WWTR1: variants seen among roughly 807,000 people sequenced by gnomAD.
The protein encoded by WWTR1 is WW domain-containing transcription regulator protein 1.
WWTR1 carries 13 observed loss-of-function variants against 40.1 expected under a neutral mutation model. The observed-to-expected ratio is 0.32, with a 90% CI of 0.21 to 0.52. The LOEUF (loss-of-function observed/expected upper bound fraction) is 0.52, where lower values mean the gene tolerates loss of function less well. WWTR1 is among the 20% of genes least tolerant of loss of function. The pLI is 0.97. For missense variants in WWTR1, 436 were observed against 523.1 expected, an observed-to-expected ratio of 0.83 and a Z score of 1.63; for synonymous variants, 230 against 210.1, an observed-to-expected ratio of 1.09 and a Z score of -0.82.
At chr3:149,697,852 T>G (rs1403288056) in intron 1 of WWTR1, among the ~76,000 whole-genome samples, 1 of 152,202 alleles carries the variant, frequency 6.6e-6, no homozygotes, top group Admixed American at 6.5e-5. Flanking sequence ...TGGGTAAACA[T>G]TCCTATTCCA....
chr3:149,707,963 A>AGAGAACC, upstream of WWTR1, among the ~76,000 whole-genome samples: 1 of 147,714 alleles, frequency 6.8e-6, no homozygotes. Flanking sequence ...CCTAAACTAG[A>AGAGAACC]ATTATGGTAA....
chr3:149,646,868 G>A (rs1166225686), intron 2 of WWTR1, among the ~76,000 whole-genome samples: 2 of 152,088 alleles, frequency 1.3e-5, no homozygotes, highest in African/African-American at 4.8e-5. Flanking sequence ...CCCTCCAACA[G>A]TGTTTGAGCA....
chr3:149,551,398 A>G lies in WWTR1; in HGVS notation c.569-8861T>C, dbSNP rs141556880. Among the ~76,000 whole-genome samples, 15 of 145,746 alleles carry G rather than the reference A, an allele frequency of 1.0e-4. 1 individual carries two copies. In the East Asian group the frequency reaches 3.1e-3, roughly 30 times the overall value. On this transcript the variant is annotated intron_variant, in intron 3 of 6. Coordinates refer to ENST00000360632, the MANE Select transcript of WWTR1 (RefSeq NM_015472.6). ...AAATATGCAACATTCAAAGGCATAC[A>G]CTGGGTAATACACTTGATATGGCAT... is the stretch of plus-strand genomic sequence containing the variant.
rs113528923 is a variant in WWTR1 at position 149,551,200 on chromosome 3, G to A, written c.569-8663C>T. On this transcript the variant is annotated intron_variant, in intron 3 of 6. Coordinates refer to ENST00000360632, the MANE Select transcript of WWTR1 (RefSeq NM_015472.6). Reference sequence around the variant, plus strand: ...TAATCCCAGCTACTCGGGAGTCTGCGGCAGGAGAATCGTTTGAACCCAGGA... The same window carrying A: ...TAATCCCAGCTACTCGGGAGTCTGCAGCAGGAGAATCGTTTGAACCCAGGA... 9.7e-5 allele frequency among the ~76,000 whole-genome samples: 14 copies of A among 144,186 alleles called. 2 individuals are homozygous for A. The highest frequency in any genetic ancestry group is 3.4e-4 in the African/African-American group (13 of 37,818). The allele number at this position is 144,186 out of a possible 152,430, so 94.6% of individuals were successfully genotyped here. A position where few individuals can be genotyped will look rare whatever the true frequency, so the allele number is the denominator to read the frequency against.
chr3:149,661,629 GGC>G (rs1713579638), upstream of WWTR1, among the ~76,000 whole-genome samples: 1 of 151,648 alleles, frequency 6.6e-6, no homozygotes, highest in African/African-American at 2.4e-5. Flanking sequence ...TCATCATGTT[GGC>G]CAGGCTGATC....
rs1199617729 is a variant in WWTR1 at position 149,645,356 on chromosome 3, G to A, written c.431+11520C>T. On this transcript the variant is annotated intron_variant, in intron 2 of 6. Coordinates refer to ENST00000360632, the MANE Select transcript of WWTR1 (RefSeq NM_015472.6). The stretch of plus-strand genomic sequence containing the variant: ...GGCCTCCCAAAGTGCTGGGATTACA[G>A]GTGTGAGCCACCACGCCTGGCCCCA... Among the ~76,000 whole-genome samples, 4 of 152,146 alleles carry A rather than the reference G, an allele frequency of 2.6e-5. No individual in the cohort carries two copies. The East Asian group carries it at 7.7e-4, about 29-fold the overall frequency.
intron 2 of WWTR1, among the ~76,000 whole-genome samples, chr3:149,656,565 G>A (rs141828967): frequency 0.011 from 1,688 of 151,864 alleles, 27 homozygotes; most frequent in African/African-American, 0.039. Context: ...AGGGACTAAG[G>A]GTCTGTGCCC....
At chr3:149,584,515 T>G (rs1344816) in intron 2 of WWTR1, among the ~76,000 whole-genome samples, 100,277 of 151,992 alleles carry the variant, frequency 0.66, 35,093 homozygotes, top group East Asian at 0.96. Flanking sequence ...CAGAGTGAGG[T>G]TCCCATTTTG....
chr3:149,674,851 T>C (rs539225602), intron 1 of WWTR1, among the ~76,000 whole-genome samples: 1 of 152,320 alleles, frequency 6.6e-6, no homozygotes, highest in Non-Finnish European at 1.5e-5. Context: ...TTCTAACTCT[T>C]ATATTCTATG....
At chr3:149,724,499 T>A (rs371651984) in intron 3 of WWTR1, among the ~76,000 whole-genome samples, 1 of 146,410 alleles carries the variant, frequency 6.8e-6, no homozygotes. Flanking sequence ...CCAGACTCCT[T>A]AAAAAAAAAA....
upstream of WWTR1, among the ~76,000 whole-genome samples, chr3:149,662,546 G>A (rs1253579648): frequency 1.3e-5 from 2 of 152,032 alleles, no homozygotes; most frequent in East Asian, 1.9e-4. Context: ...CTTTCTTCTA[G>A]TGTCCCCCAA....
chr3:149,538,473 C>G (rs987693316), intron 4 of WWTR1, among the ~76,000 whole-genome samples: 34 of 152,254 alleles, frequency 2.2e-4, no homozygotes, highest in Middle Eastern at 3.4e-3. Context: ...TTCCTGGTAC[C>G]CCTCCACTTG....
At chr3:149,671,608 A>G (rs1414155523) in intron 1 of WWTR1, among the ~76,000 whole-genome samples, 1 of 152,214 alleles carries the variant, frequency 6.6e-6, no homozygotes, top group East Asian at 1.9e-4. Context: ...ATTTTAAAAT[A>G]AACTATTGCA....
chr3:149,618,881 C>A (rs147997969), intron 2 of WWTR1, among the ~76,000 whole-genome samples: 1 of 152,246 alleles, frequency 6.6e-6, no homozygotes, highest in Non-Finnish European at 1.5e-5. Flanking sequence ...CTCCCCACCA[C>A]CTCCTGGGCT....
chr3:149,640,010 A>AAAAAAAAAG (rs1553802828), intron 2 of WWTR1, among the ~76,000 whole-genome samples: 8 of 140,328 alleles, frequency 5.7e-5, no homozygotes, highest in African/African-American at 1.5e-4. Flanking sequence ...AAAAAAAAAA[A>AAAAAAAAAG]AAAGAAAGAA....
chr3:149,574,969 G>C (rs991660232), intron 2 of WWTR1, among the ~76,000 whole-genome samples: 2 of 151,760 alleles, frequency 1.3e-5, no homozygotes, highest in African/African-American at 4.8e-5. Flanking sequence ...TGATGCACGC[G>C]TGTAACCCCA....
chr3:149,524,942 T>G (rs1376012295), intron 6 of WWTR1, among the ~76,000 whole-genome samples: 2 of 152,224 alleles, frequency 1.3e-5, no homozygotes, highest in African/African-American at 4.8e-5. Flanking sequence ...TCATTTATTT[T>G]TGGTTCTAGA....
intron 2 of WWTR1, among the ~76,000 whole-genome samples, chr3:149,638,106 C>T (rs988877927): frequency 2.6e-5 from 4 of 152,062 alleles, no homozygotes; most frequent in Admixed American, 1.3e-4. Flanking sequence ...ATCACAGCTA[C>T]TTGGGAGGCT....
chr3:149,710,267 G>A (rs1317125473), intron 5 of WWTR1, among the ~76,000 whole-genome samples: 1 of 152,144 alleles, frequency 6.6e-6, no homozygotes, highest in Admixed American at 6.5e-5. Context: ...TTTTGGGTCA[G>A]GTGTTCACCC....
Sources: allele counts gnomAD v4.1 joint callset (sites outside exome capture counted in the v4.1 genomes callset), GRCh38; gene constraint gnomAD v4.1.1; transcripts MANE v1.5; gene names NCBI Gene and HGNC (gene_info 2026-07-23, HGNC 2026-07-21).